CCDC7: variants seen among roughly 807,000 people sequenced by gnomAD.
CCDC7 encodes coiled-coil domain-containing protein 7.
A neutral mutation model predicts 196.9 loss-of-function variants in CCDC7; 183 were observed. That is an observed-to-expected ratio of 0.93 (90% CI 0.82 to 1.05). CCDC7 has a LOEUF of 1.05. Ranked by LOEUF, CCDC7 falls within the 50% of genes least tolerant of loss-of-function variation. CCDC7 has a pLI of 0.00. For missense variants in CCDC7, 1,540 were observed against 1,482.2 expected (o/e 1.04, Z -0.64); for synonymous variants, 525 against 484.6 (o/e 1.08, Z -1.10).
chr10:32,818,897 A>G (rs1027045028), intron 31 of CCDC7, among the ~76,000 whole-genome samples: 1 of 152,240 alleles, frequency 6.6e-6, no homozygotes, highest in African/African-American at 2.4e-5. Context: ...CGTCACAATT[A>G]AAAGAACTAG....
chr10:32,797,464 G>T (rs188769162), intron 29 of CCDC7, among the ~76,000 whole-genome samples: 2 of 151,938 alleles, frequency 1.3e-5, no homozygotes, highest in Non-Finnish European at 2.9e-5. Flanking sequence ...GCTAAGCTAC[G>T]AGGATGCAAA....
chr10:32,673,654 C>CGTGTGTGT (rs71027102), intron 21 of CCDC7, among the ~76,000 whole-genome samples: 10,193 of 147,782 alleles, frequency 0.069, 426 homozygotes, highest in East Asian at 0.18. Flanking sequence ...CCATTGTGCA[C>CGTGTGTGT]GTGTGTGTGT....
intron 20 of CCDC7, among the ~76,000 whole-genome samples, chr10:32,644,217 C>T (rs1004210145): frequency 5.3e-5 from 8 of 152,068 alleles, no homozygotes; most frequent in African/African-American, 1.9e-4. Flanking sequence ...TCAAAATCTT[C>T]TTGTCTAGCT....
chr10:32,504,070 G>A (rs1449495433), intron 9 of CCDC7, among the ~76,000 whole-genome samples: 1 of 139,544 alleles, frequency 7.2e-6, no homozygotes, highest in Non-Finnish European at 1.6e-5. Flanking sequence ...TTTTAGTTTT[G>A]TTAACCTTTT....
chr10:32,784,377 ACCCCAC>A, intron 29 of CCDC7, among the ~76,000 whole-genome samples: 1 of 151,856 alleles, frequency 6.6e-6, no homozygotes, highest in South Asian at 2.1e-4. Context: ...TGTACCGCAC[ACCCCAC>A]GGCCCTCTGA....
chr10:32,573,241 A>T (rs529107002), intron 16 of CCDC7, among the ~76,000 whole-genome samples: 231 of 152,310 alleles, frequency 1.5e-3, no homozygotes, highest in Admixed American at 2.8e-3. Flanking sequence ...TTTTCCATGC[A>T]ATCATGGTGA....
chr10:32,759,407 T>A (rs574914468), intron 28 of CCDC7, among the ~76,000 whole-genome samples: 11 of 152,194 alleles, frequency 7.2e-5, no homozygotes, highest in African/African-American at 2.6e-4. Context: ...TATGGACCAA[T>A]GGAATAGAAT....
At chr10:32,481,685 T>G (rs1367167913) in intron 8 of CCDC7, 1 of 152,192 alleles carries the variant, frequency 6.6e-6, no homozygotes, top group Non-Finnish European at 1.5e-5. Flanking sequence ...AAGAGCTCCC[T>G]TTATCATTTT....
chr10:32,730,804 A>G (rs921931942), intron 28 of CCDC7, among the ~76,000 whole-genome samples: 4 of 151,950 alleles, frequency 2.6e-5, no homozygotes, highest in Non-Finnish European at 5.9e-5. Flanking sequence ...TTAGATGAAA[A>G]TCTTTTGCCT....
At chr10:32,736,725 T>G (rs1415986271) in intron 28 of CCDC7, among the ~76,000 whole-genome samples, 1 of 152,220 alleles carries the variant, frequency 6.6e-6, no homozygotes, top group Non-Finnish European at 1.5e-5. Flanking sequence ...TGTTCTTTGC[T>G]GGTATATAGG....
chr10:32,560,396 G>A (rs1168714808), intron 13 of CCDC7, among the ~76,000 whole-genome samples: 3 of 151,922 alleles, frequency 2.0e-5, no homozygotes, highest in Non-Finnish European at 4.4e-5. Flanking sequence ...TGAAATGAAG[G>A]AAAAAATGTT....
chr10:32,709,868 A>G (rs1478050520), intron 24 of CCDC7, among the ~76,000 whole-genome samples: 1 of 113,476 alleles, frequency 8.8e-6, no homozygotes, highest in Non-Finnish European at 2.1e-5. Context: ...AAATCTTATC[A>G]TTGACTGCTC....
At chr10:32,862,473 G>A (rs1593570364) in intron 41 of CCDC7, among the ~76,000 whole-genome samples, 1 of 151,868 alleles carries the variant, frequency 6.6e-6, no homozygotes, top group African/African-American at 2.4e-5. Flanking sequence ...GTAGATGATG[G>A]GTTGATGGGT....
intron 21 of CCDC7, among the ~76,000 whole-genome samples, chr10:32,679,701 C>A (rs2075569636): frequency 1.3e-5 from 2 of 152,152 alleles, no homozygotes; most frequent in African/African-American, 4.8e-5. Flanking sequence ...TGTGCATCAA[C>A]AGAGCATCCA....
chr10:32,627,561 G>T (rs1210555832), intron 18 of CCDC7, among the ~76,000 whole-genome samples: 1 of 151,908 alleles, frequency 6.6e-6, no homozygotes, highest in East Asian at 1.9e-4. Context: ...AATAGAAGTG[G>T]TGAGAGTGGG....
At chr10:32,837,971 T>C (rs996494638) in intron 33 of CCDC7, among the ~76,000 whole-genome samples, 2 of 151,720 alleles carry the variant, frequency 1.3e-5, no homozygotes, top group African/African-American at 2.4e-5. Flanking sequence ...ATATACCTAA[T>C]GTAAATGATG....
intron 32 of CCDC7, among the ~76,000 whole-genome samples, chr10:32,831,772 G>A (rs765680953): frequency 6.6e-6 from 1 of 152,110 alleles, no homozygotes; most frequent in Non-Finnish European, 1.5e-5. Context: ...CTATGATAAC[G>A]ATGCCTTCTT....
intron 5 of CCDC7, among the ~76,000 whole-genome samples, chr10:32,469,479 C>T (rs1209544208): frequency 2.6e-5 from 4 of 152,142 alleles, no homozygotes; most frequent in East Asian, 1.9e-4. Context: ...TGGTGGAGCT[C>T]GAACTCACTG....
chr10:32,764,073 A>G (rs541237229), intron 28 of CCDC7, among the ~76,000 whole-genome samples: 17 of 152,040 alleles, frequency 1.1e-4, no homozygotes, highest in African/African-American at 3.9e-4. Flanking sequence ...CCATAAATAT[A>G]TACAATAAAA....
Sources: gnomAD v4.1 joint callset for allele counts (sites outside exome capture counted in the v4.1 genomes callset) on GRCh38, gnomAD v4.1.1 for gene constraint, MANE v1.5 for transcripts, NCBI Gene and HGNC (gene_info 2026-07-23, HGNC 2026-07-21) for gene names.